Variants in APLP2 observed in about 807,000 individuals in gnomAD.
The protein encoded by APLP2 is amyloid beta precursor like protein 2.
A neutral mutation model predicts 89.9 loss-of-function variants in APLP2; 53 were observed. The observed-to-expected ratio is 0.59, with a 90% CI of 0.47 to 0.74. The LOEUF (loss-of-function observed/expected upper bound fraction) is 0.74, where lower values mean the gene tolerates loss of function less well. Ranked by LOEUF, APLP2 falls within the 30% of genes least tolerant of loss-of-function variation. The pLI, the probability that APLP2 is intolerant of heterozygous loss-of-function variation, is 0.00. For missense variants in APLP2, 973 were observed against 975.9 expected, an observed-to-expected ratio of 1.00 and a Z score of 0.04; for synonymous variants, 372 against 348.6, an observed-to-expected ratio of 1.07 and a Z score of -0.75.
In APLP2 at chr11:130,117,280, T is replaced by C. The variant is rs1025091961; in HGVS notation, c.404-3426T>C. 5.3e-5 allele frequency among the ~76,000 whole-genome samples: 8 copies of C among 152,364 alleles called. No homozygotes were observed. In the Middle Eastern group the frequency reaches 0.014, roughly 259 times the overall value. On this transcript the variant is annotated intron_variant, in intron 3 of 16. Coordinates refer to ENST00000338167, the MANE Select transcript of APLP2 (RefSeq NM_001142276.2). ...TTATGGTTTAGCATGGAATTAATTA[T>C]TTTATTAAATTTTTGGCATTTCCGA... is the stretch of plus-strand genomic sequence containing the variant.
intron 4 of APLP2, among the ~76,000 whole-genome samples, chr11:130,121,167 C>T (rs922250121): frequency 6.6e-6 from 1 of 152,184 alleles, no homozygotes; most frequent in African/African-American, 2.4e-5. Context: ...TATGCACAGG[C>T]AGGACTGCAT....
intron 1 of APLP2, among the ~76,000 whole-genome samples, chr11:130,086,304 T>A (rs1250979233): frequency 6.6e-6 from 1 of 152,272 alleles, no homozygotes; most frequent in Non-Finnish European, 1.5e-5. Context: ...GAGTATCTTT[T>A]CATGTTGACC....
At chr11:130,117,147 T>C (rs1252193853) in intron 3 of APLP2, among the ~76,000 whole-genome samples, 1 of 152,122 alleles carries the variant, frequency 6.6e-6, no homozygotes, top group African/African-American at 2.4e-5. Flanking sequence ...AAAAGTTAAA[T>C]TTTAGAATTT....
At position 130,109,446 on chromosome 11, in the gene APLP2, C is replaced by G; in HGVS notation, c.123C>G (p.Ala41=). 1 of 1,611,520 alleles carries G rather than the reference C, an allele frequency of 6.2e-7. No individual in the cohort carries two copies. Among genetic ancestry groups the G allele is most frequent in the Non-Finnish European group, 8.5e-7 (1 of 1,178,870 alleles). ...TTTGGTAGGCTCTTGCAGCCAATGC[C>G]GGAACAGGATTTGCTGTTGCTGAGC... The part of the protein sequence containing the change: ...AGYIEALAAN[A]GTGFAVAEPQ... The change falls in exon 2 of 17, where the codon GCC becomes GCG. Residue 41 remains alanine, a synonymous_variant. Transcript: ENST00000338167.
Position 130,141,995 on chromosome 11 carries a change from C to T in APLP2, c.2075C>T (p.Ala692Val), listed in dbSNP as rs1410386890. 6.2e-7 allele frequency: 1 copy of T among 1,614,012 alleles called. No individual in the cohort carries two copies. Among genetic ancestry groups the T allele is most frequent in the Admixed American group, 1.7e-5 (1 of 59,998 alleles). ...ALIGLLVIAV[A>V]IATVIVISLV... ...ATTGGCCTGCTGGTCATCGCAGTGGCCATTGCCACGGTCATCGTCATCAGC... is the reference window on the plus strand; with the variant it reads ...ATTGGCCTGCTGGTCATCGCAGTGGTCATTGCCACGGTCATCGTCATCAGC... The change falls in exon 16 of 17, where the codon GCC becomes GTC. Residue 692 changes from alanine (A) to valine (V), a missense_variant. By Grantham distance (64) the Ala-to-Val change is moderately conservative. Coordinates refer to ENST00000338167, the MANE Select transcript of APLP2 (RefSeq NM_001142276.2). The surrounding 1 kb of genome is among the most constrained non-coding windows in gnomAD (Gnocchi z 4.2).
chr11:130,110,777 A>G, intron 3 of APLP2, 116 bp downstream of exon 3: 1 of 1,314,350 alleles, frequency 7.6e-7, no homozygotes. Context: ...TGTGACATGA[A>G]TTTATTGGGG....
intron 1 of APLP2, among the ~76,000 whole-genome samples, chr11:130,084,177 T>C (rs1345795134): frequency 6.6e-6 from 1 of 151,148 alleles, no homozygotes. Context: ...ACCTGGGAGG[T>C]GGAGCTTGCA....
At chr11:130,096,473 C>G (rs1330000304) in intron 1 of APLP2, among the ~76,000 whole-genome samples, 5 of 152,114 alleles carry the variant, frequency 3.3e-5, no homozygotes, top group Non-Finnish European at 7.4e-5. Flanking sequence ...ATCCCAACAC[C>G]TTGGGAGGCT....
chr11:130,097,772 T>G (rs536763160), intron 1 of APLP2, among the ~76,000 whole-genome samples: 2 of 152,348 alleles, frequency 1.3e-5, no homozygotes, highest in East Asian at 3.9e-4. Flanking sequence ...GAAAAATGTT[T>G]TAAATAGATA....
chr11:130,128,511 T>C (rs1481043034), intron 9 of APLP2, among the ~76,000 whole-genome samples: 1 of 152,220 alleles, frequency 6.6e-6, no homozygotes, highest in Non-Finnish European at 1.5e-5. Flanking sequence ...TTCAGGGAAA[T>C]GTAGTTCAGC....
chr11:130,075,211 G>A (rs774732301), intron 1 of APLP2, among the ~76,000 whole-genome samples: 3 of 152,098 alleles, frequency 2.0e-5, no homozygotes, highest in Non-Finnish European at 4.4e-5. Flanking sequence ...GTGCAGTGGC[G>A]CAGCCATGGC....
intron 10 of APLP2, among the ~76,000 whole-genome samples, chr11:130,129,708 C>G (rs1950728614): frequency 6.6e-6 from 1 of 152,176 alleles, no homozygotes; most frequent in Non-Finnish European, 1.5e-5. Context: ...AAAGTCTTCT[C>G]TCTTTGGGTG....
intron 1 of APLP2, among the ~76,000 whole-genome samples, chr11:130,083,862 T>A (rs1943655875): frequency 6.6e-6 from 1 of 152,204 alleles, no homozygotes; most frequent in African/African-American, 2.4e-5. Flanking sequence ...GATTGATAGA[T>A]CATATGATAA....
chr11:130,090,471 G>A (rs1315824631), intron 1 of APLP2, among the ~76,000 whole-genome samples: 1 of 151,092 alleles, frequency 6.6e-6, no homozygotes. Context: ...GACTCTTAAC[G>A]AGCATGCTGC....
Position 130,070,065 on chromosome 11 carries a change from C to T in APLP2, c.88C>T (p.Leu30=). ...GGGGCTCACGGCGCCTGCCTTGGCGCTGGCCGGCTACATCGAGGTGGGGAC... is the reference window on the plus strand; with the variant it reads ...GGGGCTCACGGCGCCTGCCTTGGCGTTGGCCGGCTACATCGAGGTGGGGAC... ...LVGLTAPALA[L]AGYIEALAAN... The change falls in exon 1 of 17, where the codon CTG becomes TTG. Residue 30 remains leucine, a synonymous_variant. Transcript: ENST00000338167. 6.7e-7 allele frequency: 1 copy of T among 1,486,414 alleles called. No individual in the cohort carries two copies. Among genetic ancestry groups the T allele is most frequent in the Non-Finnish European group, 8.9e-7 (1 of 1,126,750 alleles). 92.1% of individuals were successfully genotyped at this position (1,486,414 alleles called of 1,614,324 possible).
At chr11:130,086,116 A>G (rs941400148) in intron 1 of APLP2, among the ~76,000 whole-genome samples, 10 of 152,254 alleles carry the variant, frequency 6.6e-5, no homozygotes, top group East Asian at 3.8e-4. Context: ...AGAAATTGCC[A>G]AACTGTTTTC....
chr11:130,135,056 G>A (rs754532995), intron 12 of APLP2, among the ~76,000 whole-genome samples: 36 of 152,136 alleles, frequency 2.4e-4, no homozygotes, highest in Non-Finnish European at 4.9e-4. Flanking sequence ...TCGGGGAGAA[G>A]TAGGTCAGAG....
chr11:130,131,295 C>T (rs1950915620), intron 11 of APLP2, among the ~76,000 whole-genome samples: 1 of 152,184 alleles, frequency 6.6e-6, no homozygotes. Context: ...GACGGGGTTT[C>T]ACCATATTGG....
chr11:130,115,510 C>T (rs57696727), intron 3 of APLP2, among the ~76,000 whole-genome samples: 12 of 152,140 alleles, frequency 7.9e-5, no homozygotes, highest in Admixed American at 2.0e-4. Context: ...TAGAAATTGG[C>T]GATAAATCCT....
Sources: gnomAD v4.1 joint callset for allele counts (sites outside exome capture counted in the v4.1 genomes callset) on GRCh38, gnomAD v4.1.1 for gene constraint, Gnocchi (gnomAD v3.1) non-coding constraint, MANE v1.5 for transcripts, NCBI Gene and HGNC (gene_info 2026-07-23, HGNC 2026-07-21) for gene names.